Variants in POU6F2 observed in about 807,000 individuals in gnomAD.
The protein encoded by POU6F2 is POU domain, class 6, transcription factor 2.
POU6F2 carries 31 observed loss-of-function variants against 71.3 expected under a neutral mutation model. That is an observed-to-expected ratio of 0.43 (90% CI 0.33 to 0.59). The LOEUF (loss-of-function observed/expected upper bound fraction) is 0.59, where lower values mean the gene tolerates loss of function less well. POU6F2 is among the 20% of genes least tolerant of loss of function. The pLI, the probability that POU6F2 is intolerant of heterozygous loss-of-function variation, is 0.04. For synonymous variants in POU6F2, 347 were observed against 355.7 expected (o/e 0.98, Z 0.27); for missense variants, 783 against 856.8 (o/e 0.91, Z 1.07).
intron 4 of POU6F2, among the ~76,000 whole-genome samples, chr7:39,214,736 A>G (rs183443384): frequency 9.2e-4 from 140 of 152,282 alleles, no homozygotes; most frequent in African/African-American, 3.3e-3. Flanking sequence ...AGAGAAGTAA[A>G]GAGAGCATTC....
chr7:39,444,454 C>A (rs1369198952), intron 7 of POU6F2, among the ~76,000 whole-genome samples: 2 of 152,210 alleles, frequency 1.3e-5, no homozygotes, highest in African/African-American at 4.8e-5. Context: ...CATGGTGGTG[C>A]ATGCCTGTAG....
chr7:39,104,090 A>T (rs1490323628), intron 2 of POU6F2, among the ~76,000 whole-genome samples: 2 of 152,232 alleles, frequency 1.3e-5, no homozygotes, highest in Non-Finnish European at 2.9e-5. Context: ...GCTGCCGCTC[A>T]TTCCCCCTGC....
intron 4 of POU6F2, among the ~76,000 whole-genome samples, chr7:39,305,654 T>G (rs1171211329): frequency 6.6e-6 from 1 of 152,202 alleles, no homozygotes; most frequent in East Asian, 1.9e-4. Flanking sequence ...AGGACTTCTG[T>G]AGAGGCTTTT....
chr7:39,273,873 T>C (rs1186972384), intron 4 of POU6F2, among the ~76,000 whole-genome samples: 1 of 151,864 alleles, frequency 6.6e-6, no homozygotes, highest in Non-Finnish European at 1.5e-5. Context: ...CCATGAAAAA[T>C]GTAAATGAAT....
Position 39,458,564 on chromosome 7 carries a change from G to A in POU6F2, c.1490-1983G>A, listed in dbSNP as rs2237366. ...GAAGCAGCTCCAGGCTGATGTGCTC[G>A]TGGGGTTTGGAATCCAGAGCACAGC... is the stretch of plus-strand genomic sequence containing the variant. On this transcript the variant is annotated intron_variant, in intron 8 of 9. Coordinates refer to ENST00000518318, the MANE Select transcript of POU6F2 (RefSeq NM_001370959.1). Among the ~76,000 whole-genome samples the A allele has an allele frequency of 5.4e-3, 817 of 152,212 alleles. 26 individuals are homozygous for A. The East Asian group carries it at 0.098, about 18-fold the overall frequency.
intron 1 of POU6F2, among the ~76,000 whole-genome samples, chr7:39,024,255 C>T (rs1270338530): frequency 1.3e-5 from 2 of 151,812 alleles, no homozygotes; most frequent in Non-Finnish European, 2.9e-5. Context: ...GTATTTTATT[C>T]TCTTTGAAGC....
At chr7:39,203,163 G>A (rs1793941825) in intron 2 of POU6F2, among the ~76,000 whole-genome samples, 1 of 152,178 alleles carries the variant, frequency 6.6e-6, no homozygotes, top group Non-Finnish European at 1.5e-5. Flanking sequence ...AGAATATATA[G>A]GAGAATTTGT....
At chr7:39,183,103 C>T (rs2128741842) in intron 2 of POU6F2, among the ~76,000 whole-genome samples, 1 of 152,290 alleles carries the variant, frequency 6.6e-6, no homozygotes, top group African/African-American at 2.4e-5. Flanking sequence ...CACCTCCTGT[C>T]AGATCAGCAG....
At chr7:39,022,607 A>G (rs1789702210) in intron 1 of POU6F2, among the ~76,000 whole-genome samples, 1 of 152,096 alleles carries the variant, frequency 6.6e-6, no homozygotes, top group Admixed American at 6.6e-5. Flanking sequence ...TGTAAGTGGA[A>G]TCATGCAATA....
chr7:39,105,952 G>A (rs951807686), intron 2 of POU6F2, among the ~76,000 whole-genome samples: 1 of 152,114 alleles, frequency 6.6e-6, no homozygotes, highest in East Asian at 1.9e-4. Context: ...TGGGGAGGTG[G>A]GTAGGGTACC....
intron 1 of POU6F2, among the ~76,000 whole-genome samples, chr7:39,072,987 G>A (rs991417756): frequency 8.5e-5 from 13 of 152,122 alleles, no homozygotes; most frequent in Admixed American, 4.6e-4. Flanking sequence ...AGAAGATGCC[G>A]AATACAATTA....
At chr7:39,300,748 C>G (rs969670529) in intron 4 of POU6F2, among the ~76,000 whole-genome samples, 4 of 152,062 alleles carry the variant, frequency 2.6e-5, no homozygotes, top group Admixed American at 6.6e-5. Context: ...CTCTTCTTAT[C>G]AGGACACCAG....
chr7:39,158,121 C>A (rs897394631), intron 2 of POU6F2, among the ~76,000 whole-genome samples: 4 of 152,090 alleles, frequency 2.6e-5, no homozygotes, highest in African/African-American at 9.7e-5. Context: ...TAACTATGTT[C>A]CATTCTTCCT....
At chr7:39,220,144 G>A (rs760311212) in intron 4 of POU6F2, among the ~76,000 whole-genome samples, 59 of 152,226 alleles carry the variant, frequency 3.9e-4, no homozygotes, top group Non-Finnish European at 6.5e-4. Flanking sequence ...CAGCAGCCGC[G>A]ACTGGAGTTT....
chr7:39,082,540 G>A (rs1006442223), intron 1 of POU6F2, among the ~76,000 whole-genome samples: 14 of 152,070 alleles, frequency 9.2e-5, no homozygotes, highest in African/African-American at 2.9e-4. Flanking sequence ...AAGCACCTAC[G>A]TAGATGCATG....
At position 39,347,779 on chromosome 7, in the gene POU6F2, G is replaced by A. The variant is rs1233283489; in HGVS notation, c.972+7764G>A. ...CCCGAGCGTCTGGGACTACAGGCAT[G>A]TACCATCACGCCTGGCTAATTTTTG... On this transcript the variant is annotated intron_variant, in intron 5 of 9. Transcript: ENST00000518318. Among the ~76,000 whole-genome samples, 2 of 120,824 alleles carry A rather than the reference G, an allele frequency of 1.7e-5. 1 individual carries two copies. The highest frequency in any genetic ancestry group is 3.9e-5 in the Non-Finnish European group (2 of 51,810). The allele number at this position is 120,824 out of a possible 152,430, so 79.3% of individuals were successfully genotyped here.
At chr7:39,429,117 AT>A (rs1350449057) in intron 6 of POU6F2, among the ~76,000 whole-genome samples, 9 of 42,490 alleles carry the variant, frequency 2.1e-4, no homozygotes, top group Non-Finnish European at 3.6e-4. Flanking sequence ...CATAATAATA[AT>A]AAAAAAAAAA....
intron 4 of POU6F2, among the ~76,000 whole-genome samples, chr7:39,335,246 CTG>C (rs1785745355): frequency 6.6e-6 from 1 of 152,226 alleles, no homozygotes; most frequent in Non-Finnish European, 1.5e-5. Context: ...CCATGTTTCT[CTG>C]TTCCTTATAA....
chr7:39,406,715 A>G lies in POU6F2; in HGVS notation c.1088A>G (p.Gln363Arg). ...ALSSLQGVTG[Q>R]LVTNAQGQII... Reference sequence around the variant, plus strand: ...TCCAGTCTTCAGGGGGTCACAGGTCAACTAGTTACTAATGCACAAGGACAG... The same window carrying G: ...TCCAGTCTTCAGGGGGTCACAGGTCGACTAGTTACTAATGCACAAGGACAG... The change falls in exon 6 of 10, where the codon CAA (glutamine) becomes CGA (arginine). Residue 363 changes from glutamine to arginine, a missense_variant. Gln to Arg is a conservative substitution (Grantham distance 43). Coordinates refer to ENST00000518318, the MANE Select transcript of POU6F2 (RefSeq NM_001370959.1). The G allele has an allele frequency of 6.2e-7, 1 of 1,613,734 alleles. No individual in the cohort carries two copies. Among genetic ancestry groups the G allele is most frequent in the Non-Finnish European group, 8.5e-7 (1 of 1,179,874 alleles).
Sources: gnomAD v4.1 joint callset for allele counts (sites outside exome capture counted in the v4.1 genomes callset) on GRCh38, gnomAD v4.1.1 for gene constraint, MANE v1.5 for transcripts, NCBI Gene and HGNC (gene_info 2026-07-23, HGNC 2026-07-21) for gene names.